The following PARD3 variants were observed in gnomAD, a reference collection of about 807,000 sequenced individuals.
The protein encoded by PARD3 is partitioning defective 3 homolog.
Under a neutral mutation model 155.4 loss-of-function variants are expected in PARD3, and 75 were observed. The observed-to-expected ratio is 0.48, with a 90% CI of 0.40 to 0.58. The LOEUF (loss-of-function observed/expected upper bound fraction) is 0.58. PARD3 is among the 20% of genes least tolerant of loss of function. PARD3 has a pLI of 0.00. For missense variants in PARD3, 1,642 were observed against 1,721.7 expected (o/e 0.95, Z 0.82); for synonymous variants, 576 against 610.5 (o/e 0.94, Z 0.83).
chr10:34,799,530 C>T (rs1012329552), intron 1 of PARD3, among the ~76,000 whole-genome samples: 2 of 152,150 alleles, frequency 1.3e-5, no homozygotes, highest in Non-Finnish European at 1.5e-5. Flanking sequence ...GCACTTCTTC[C>T]CTGAACCCAT....
chr10:34,497,756 G>T (rs1336278510), intron 3 of PARD3, among the ~76,000 whole-genome samples: 1 of 152,192 alleles, frequency 6.6e-6, no homozygotes, highest in African/African-American at 2.4e-5. Flanking sequence ...TTAACAAGAT[G>T]ATCAGCGGGT....
At chr10:34,452,102 G>A (rs10827373) in intron 4 of PARD3, among the ~76,000 whole-genome samples, 47,986 of 151,986 alleles carry the variant, frequency 0.32, 7,818 homozygotes, top group East Asian at 0.43. Context: ...ACACTGAAAT[G>A]CAAGTATAAC....
At chr10:34,364,434 CT>C (rs1554839554) in intron 12 of PARD3, among the ~76,000 whole-genome samples, 133 of 127,330 alleles carry the variant, frequency 1.0e-3, no homozygotes, top group Admixed American at 1.8e-3. Context: ...ACAGAATTAT[CT>C]TTTTTTTTTT....
intron 2 of PARD3, among the ~76,000 whole-genome samples, chr10:34,561,198 GTCTC>G (rs1056002730): frequency 4.6e-5 from 7 of 152,096 alleles, no homozygotes; most frequent in Non-Finnish European, 1.0e-4. Flanking sequence ...AAATCAAGAG[GTCTC>G]TGAAATCCTT....
chr10:34,772,446 G>A (rs928914890), intron 1 of PARD3, among the ~76,000 whole-genome samples: 1 of 152,100 alleles, frequency 6.6e-6, no homozygotes, highest in African/African-American at 2.4e-5. Flanking sequence ...AATATCAAAT[G>A]TAAGACAGTA....
chr10:34,561,064 C>T (rs1398594602), intron 2 of PARD3, among the ~76,000 whole-genome samples: 2 of 152,152 alleles, frequency 1.3e-5, no homozygotes, highest in African/African-American at 4.8e-5. Flanking sequence ...TGTGCAGTTG[C>T]TGACATTCTA....
At chr10:34,657,782 G>A (rs908127614) in intron 2 of PARD3, among the ~76,000 whole-genome samples, 4 of 151,810 alleles carry the variant, frequency 2.6e-5, no homozygotes, top group Admixed American at 6.6e-5. Context: ...CAGGTGATCC[G>A]CCTGCCTGGG....
chr10:34,479,340 T>G (rs576154760), intron 3 of PARD3, among the ~76,000 whole-genome samples: 25 of 151,944 alleles, frequency 1.6e-4, no homozygotes, highest in Non-Finnish European at 3.1e-4. Context: ...TTTTTGTATT[T>G]TTAGTAGAGA....
chr10:34,676,639 A>G (rs2093712583), intron 2 of PARD3, among the ~76,000 whole-genome samples: 1 of 152,224 alleles, frequency 6.6e-6, no homozygotes, highest in South Asian at 2.1e-4. Flanking sequence ...TTAGGGAAGG[A>G]AGTTAGAAAT....
chr10:34,487,919 A>C (rs1378888263), intron 3 of PARD3, among the ~76,000 whole-genome samples: 1 of 152,200 alleles, frequency 6.6e-6, no homozygotes, highest in Non-Finnish European at 1.5e-5. Flanking sequence ...CTAAATGCTC[A>C]ATGCCCTCTC....
chr10:34,380,102 A>G (rs1424452102), intron 9 of PARD3, among the ~76,000 whole-genome samples: 1 of 152,140 alleles, frequency 6.6e-6, no homozygotes, highest in Non-Finnish European at 1.5e-5. Flanking sequence ...GCTAGCTACA[A>G]GGAAAGCCTG....
At chr10:34,459,377 T>C (rs1375258612) in intron 4 of PARD3, among the ~76,000 whole-genome samples, 1 of 152,006 alleles carries the variant, frequency 6.6e-6, no homozygotes, top group Non-Finnish European at 1.5e-5. Context: ...TTCACCGTGT[T>C]AGCCAGGATG....
At chr10:34,301,818 C>CTTTTTTTT (rs5784408) in intron 20 of PARD3, among the ~76,000 whole-genome samples, 1 of 125,868 alleles carries the variant, frequency 7.9e-6, no homozygotes, top group African/African-American at 3.0e-5. Flanking sequence ...TTTCTCCTTT[C>CTTTTTTTT]TTTTTTTTTT....
chr10:34,188,918 G>A (rs1021845762), intron 22 of PARD3, among the ~76,000 whole-genome samples: 1 of 152,138 alleles, frequency 6.6e-6, no homozygotes, highest in African/African-American at 2.4e-5. Flanking sequence ...CCTGGTATGA[G>A]GGGCCTCTGC....
At chr10:34,427,630 T>C (rs1281675706) in intron 5 of PARD3, among the ~76,000 whole-genome samples, 1 of 152,138 alleles carries the variant, frequency 6.6e-6, no homozygotes, top group East Asian at 1.9e-4. Flanking sequence ...GTGATCTCTG[T>C]GACCCACACC....
At chr10:34,285,405 G>A (rs574272296) in intron 20 of PARD3, among the ~76,000 whole-genome samples, 6 of 152,060 alleles carry the variant, frequency 3.9e-5, no homozygotes, top group South Asian at 2.1e-4. Flanking sequence ...GCGAGACCTC[G>A]TCTCTACTAA....
intron 22 of PARD3, among the ~76,000 whole-genome samples, chr10:34,135,170 T>A (rs2132812535): frequency 6.6e-6 from 1 of 152,272 alleles, no homozygotes; most frequent in South Asian, 2.1e-4. Flanking sequence ...ATGAGTGGGA[T>A]CTACACAGGG....
intron 14 of PARD3, among the ~76,000 whole-genome samples, chr10:34,358,598 C>T (rs1564625209): frequency 6.6e-6 from 1 of 152,126 alleles, no homozygotes; most frequent in African/African-American, 2.4e-5. Context: ...CAGACTGAGG[C>T]AGGAGAATCC....
chr10:34,355,939 AAAAAAAACAAAACAAAACC>A lies in PARD3; in HGVS notation c.2067+3189_2067+3207del, dbSNP rs1344137438. ...CACTCCGTCTCAAAAAAAAAAAAAA[AAAAAAAACAAAACAAAACC>A]AAACAAAAAAACAGACAACAGACCC... On this transcript the variant is annotated intron_variant, in intron 14 of 24. Coordinates refer to ENST00000374788, the MANE Select transcript of PARD3 (RefSeq NM_001184785.2). Among the ~76,000 whole-genome samples the A allele has an allele frequency of 2.3e-3, 305 of 133,694 alleles. 2 individuals are homozygous for A. Among genetic ancestry groups the A allele is most frequent in the African/African-American group, 0.011 (295 of 26,482 alleles). 87.7% of individuals were successfully genotyped at this position (133,694 alleles called of 152,430 possible). A position where few individuals can be genotyped will look rare whatever the true frequency, so the allele number is the denominator to read the frequency against.
Sources: gnomAD v4.1 joint callset for allele counts (sites outside exome capture counted in the v4.1 genomes callset) on GRCh38, gnomAD v4.1.1 for gene constraint, MANE v1.5 for transcripts, NCBI Gene and HGNC (gene_info 2026-07-23, HGNC 2026-07-21) for gene names.